The following FER variants were observed in gnomAD, a reference collection of about 807,000 sequenced individuals.
The protein encoded by FER is FER tyrosine kinase, also known as tyrosine-protein kinase Fer.
A neutral mutation model predicts 111.0 loss-of-function variants in FER; 63 were observed. That is an observed-to-expected ratio of 0.57 (90% CI 0.46 to 0.70). The LOEUF (loss-of-function observed/expected upper bound fraction) is 0.70, where lower values mean the gene tolerates loss of function less well. Ranked by LOEUF, FER falls within the 30% of genes least tolerant of loss-of-function variation. FER has a pLI of 0.00. For synonymous variants in FER, 327 were observed against 313.9 expected (o/e 1.04, Z -0.44); for missense variants, 914 against 954.0 (o/e 0.96, Z 0.55).
intron 4 of FER, among the ~76,000 whole-genome samples, chr5:108,834,569 A>G (rs1212189674): frequency 2.6e-5 from 4 of 151,990 alleles, no homozygotes; most frequent in Non-Finnish European, 5.9e-5. Flanking sequence ...GCGGTGGTGC[A>G]CGTCTGTAAC....
intron 3 of FER, among the ~76,000 whole-genome samples, chr5:108,816,890 G>A (rs887142947): frequency 1.3e-5 from 2 of 151,600 alleles, no homozygotes; most frequent in Non-Finnish European, 2.9e-5. Context: ...TCACTTGAGC[G>A]CAGGAGTTCA....
chr5:109,060,787 T>TATAC (rs571418220), intron 16 of FER, among the ~76,000 whole-genome samples: 175 of 149,792 alleles, frequency 1.2e-3, no homozygotes, highest in South Asian at 7.0e-3. Context: ...TATATATATA[T>TATAC]ACACACCAAA....
chr5:109,077,056 C>T (rs1581924591), intron 16 of FER, among the ~76,000 whole-genome samples: 1 of 152,222 alleles, frequency 6.6e-6, no homozygotes, highest in East Asian at 1.9e-4. Flanking sequence ...TATATACCAT[C>T]ATAAATGTCA....
intron 14 of FER, among the ~76,000 whole-genome samples, chr5:109,043,112 T>A (rs1189024590): frequency 6.6e-6 from 1 of 152,074 alleles, no homozygotes; most frequent in African/African-American, 2.4e-5. Flanking sequence ...GGAGGTAGGG[T>A]CTGAATGCTT....
chr5:108,883,906 C>T (rs965049961), intron 9 of FER, among the ~76,000 whole-genome samples: 1 of 151,932 alleles, frequency 6.6e-6, no homozygotes, highest in African/African-American at 2.4e-5. Context: ...AGTCTCTACT[C>T]TGTTAAATGG....
intron 15 of FER, among the ~76,000 whole-genome samples, chr5:109,045,448 A>G (rs1771827557): frequency 6.6e-6 from 1 of 152,162 alleles, no homozygotes; most frequent in South Asian, 2.1e-4. Context: ...GAGTGAATTT[A>G]TAACTGTTGA....
chr5:109,164,813 C>G (rs558276090), intron 17 of FER, among the ~76,000 whole-genome samples: 6 of 152,116 alleles, frequency 3.9e-5, no homozygotes, highest in African/African-American at 1.4e-4. Flanking sequence ...AGGAGAGCAA[C>G]TTTGGCATAT....
intron 17 of FER, among the ~76,000 whole-genome samples, chr5:109,146,237 TATATATAATCTATCTA>T (rs1285988614): frequency 2.1e-4 from 19 of 90,990 alleles, no homozygotes; most frequent in African/African-American, 7.4e-4. Flanking sequence ...CTATCTAATA[TATATATAATCTATCTA>T]ATATATATAT....
chr5:109,000,703 G>C (rs1465307036), intron 13 of FER, among the ~76,000 whole-genome samples: 2 of 151,994 alleles, frequency 1.3e-5, no homozygotes, highest in Non-Finnish European at 2.9e-5. Flanking sequence ...CAAAAACTCA[G>C]TGAATCCAGG....
intron 5 of FER, among the ~76,000 whole-genome samples, chr5:108,866,143 T>G (rs62360778): frequency 0.22 from 33,576 of 152,138 alleles, 3,902 homozygotes; most frequent in African/African-American, 0.28. Flanking sequence ...ACATGTATGT[T>G]TATTGCGGTA....
chr5:108,924,541 T>C (rs774410380), intron 10 of FER: 4 of 1,150,570 alleles, frequency 3.5e-6, no homozygotes, highest in Non-Finnish European at 4.4e-6. Flanking sequence ...GGAGATAGTA[T>C]GAAATAGGAG....
At chr5:108,793,525 G>GT (rs1554065875) in intron 2 of FER, among the ~76,000 whole-genome samples, 1 of 136,644 alleles carries the variant, frequency 7.3e-6, no homozygotes, top group East Asian at 2.0e-4. Flanking sequence ...GGGGCGGGGG[G>GT]GGTGGTTATA....
chr5:109,047,628 T>C (rs1303836073), intron 16 of FER, among the ~76,000 whole-genome samples: 7 of 151,964 alleles, frequency 4.6e-5, no homozygotes, highest in Non-Finnish European at 8.8e-5. Context: ...AGAAATGGAG[T>C]CTCACTATAT....
intron 10 of FER, among the ~76,000 whole-genome samples, chr5:108,916,578 T>C (rs997440539): frequency 2.6e-5 from 4 of 152,152 alleles, no homozygotes; most frequent in Non-Finnish European, 1.5e-5. Context: ...TTGTGGGTAT[T>C]TAGATATAGC....
chr5:108,883,763 A>C (rs950382470), intron 9 of FER, among the ~76,000 whole-genome samples: 1 of 152,014 alleles, frequency 6.6e-6, no homozygotes, highest in Non-Finnish European at 1.5e-5. Flanking sequence ...ATATGTCTCA[A>C]TGTTTTAACA....
chr5:109,116,779 T>G (rs1194666287), intron 17 of FER, among the ~76,000 whole-genome samples: 1 of 152,164 alleles, frequency 6.6e-6, no homozygotes, highest in Non-Finnish European at 1.5e-5. Flanking sequence ...ACAAACATAG[T>G]TTGAAGACAA....
intron 16 of FER, among the ~76,000 whole-genome samples, chr5:109,060,311 A>C (rs1774225790): frequency 1.3e-5 from 2 of 152,202 alleles, no homozygotes; most frequent in Admixed American, 1.3e-4. Context: ...GAAAAACAAA[A>C]CAACAAACTC....
chr5:108,768,776 G>A (rs1170033532), intron 2 of FER, among the ~76,000 whole-genome samples: 1 of 152,076 alleles, frequency 6.6e-6, no homozygotes, highest in Non-Finnish European at 1.5e-5. Flanking sequence ...ATATTCTGGG[G>A]GAGGGGATAG....
At chr5:108,889,477 A>G (rs1747689093) in intron 9 of FER, among the ~76,000 whole-genome samples, 1 of 151,942 alleles carries the variant, frequency 6.6e-6, no homozygotes, top group African/African-American at 2.4e-5. Flanking sequence ...GTTCTTGCTT[A>G]TTTGTAGGAG....
Sources: allele counts gnomAD v4.1 joint callset (sites outside exome capture counted in the v4.1 genomes callset), GRCh38; gene constraint gnomAD v4.1.1; transcripts MANE v1.5; gene names NCBI Gene and HGNC (gene_info 2026-07-23, HGNC 2026-07-21).